Variants in DLG2 observed in about 807,000 individuals in gnomAD.
The protein encoded by DLG2 is discs large MAGUK scaffold protein 2, also known as disks large homolog 2.
In DLG2, 45 loss-of-function variants were observed where a neutral mutation model predicts 132.5. The ratio of observed to expected loss-of-function variants is 0.34; its 90% CI spans 0.27 to 0.44. The LOEUF (loss-of-function observed/expected upper bound fraction) is 0.44, where lower values mean the gene tolerates loss of function less well. Among genes scored for constraint, DLG2 ranks in the 20% least tolerant of loss-of-function variants. The pLI is 1.00. For synonymous variants in DLG2, 424 were observed against 419.6 expected, an observed-to-expected ratio of 1.01 and a Z score of -0.13; for missense variants, 1,045 against 1,196.9, an observed-to-expected ratio of 0.87 and a Z score of 1.87.
intron 7 of DLG2, among the ~76,000 whole-genome samples, chr11:84,506,229 C>T (rs867554681): frequency 4.0e-5 from 6 of 151,384 alleles, no homozygotes; most frequent in Non-Finnish European, 7.4e-5. Context: ...GCGCCCGCCA[C>T]TGCGCCCGGC....
chr11:85,584,252 C>A (rs1234901723), intron 3 of DLG2, among the ~76,000 whole-genome samples: 1 of 151,972 alleles, frequency 6.6e-6, no homozygotes, highest in South Asian at 2.1e-4. Context: ...TCCTGAGTTA[C>A]TTCACTTAGA....
At chr11:84,203,513 C>T (rs1253836950) in intron 8 of DLG2, among the ~76,000 whole-genome samples, 2 of 138,078 alleles carry the variant, frequency 1.4e-5, no homozygotes, top group African/African-American at 5.4e-5. Context: ...ACCCGGGAGG[C>T]GGAGCTTGCA....
chr11:84,536,067 G>A (rs2099354843), intron 6 of DLG2, among the ~76,000 whole-genome samples: 1 of 152,064 alleles, frequency 6.6e-6, no homozygotes, highest in South Asian at 2.1e-4. Flanking sequence ...TTCCTCAGAA[G>A]CAGATTATCA....
At chr11:84,145,990 T>G (rs1330310537) in intron 9 of DLG2, among the ~76,000 whole-genome samples, 2 of 152,190 alleles carry the variant, frequency 1.3e-5, no homozygotes, top group African/African-American at 4.8e-5. Context: ...GACATCTGAC[T>G]CAGATAGTTA....
At chr11:85,412,263 C>T (rs957081060) in intron 3 of DLG2, among the ~76,000 whole-genome samples, 1 of 151,776 alleles carries the variant, frequency 6.6e-6, no homozygotes, top group Non-Finnish European at 1.5e-5. Flanking sequence ...TTGTATAGTC[C>T]TCATTGCTCT....
intron 15 of DLG2, among the ~76,000 whole-genome samples, chr11:83,909,987 A>ATC (rs2075768698): frequency 6.6e-6 from 1 of 152,172 alleles, no homozygotes; most frequent in Non-Finnish European, 1.5e-5. Flanking sequence ...CTATCTGAAG[A>ATC]TGTGGGAGAT....
chr11:84,973,911 C>T (rs1034632665), intron 6 of DLG2, among the ~76,000 whole-genome samples: 2 of 152,096 alleles, frequency 1.3e-5, no homozygotes, highest in Admixed American at 1.3e-4. Flanking sequence ...TTTTTCCCAA[C>T]CATTTAAACC....
At chr11:84,897,544 A>G (rs924368797) in intron 6 of DLG2, among the ~76,000 whole-genome samples, 3 of 151,822 alleles carry the variant, frequency 2.0e-5, no homozygotes, top group African/African-American at 7.2e-5. Context: ...TCTGGCAACC[A>G]TGATCATTTT....
chr11:85,445,331 C>G (rs968329240), intron 3 of DLG2, among the ~76,000 whole-genome samples: 2 of 152,106 alleles, frequency 1.3e-5, no homozygotes, highest in Non-Finnish European at 2.9e-5. Flanking sequence ...AATCCAGAAG[C>G]CATACCTCTG....
At chr11:84,499,264 C>T (rs1322260138) in intron 7 of DLG2, among the ~76,000 whole-genome samples, 1 of 152,140 alleles carries the variant, frequency 6.6e-6, no homozygotes, top group Non-Finnish European at 1.5e-5. Flanking sequence ...AGGGCTGTTA[C>T]AAGGATTAGA....
chr11:85,499,276 C>A (rs1257813273), intron 3 of DLG2, among the ~76,000 whole-genome samples: 1 of 152,042 alleles, frequency 6.6e-6, no homozygotes, highest in East Asian at 1.9e-4. Flanking sequence ...CACCACTGAT[C>A]CCACAGAAAT....
At chr11:85,337,127 GTAA>G (rs2082188089) in intron 3 of DLG2, among the ~76,000 whole-genome samples, 1 of 152,200 alleles carries the variant, frequency 6.6e-6, no homozygotes, top group Non-Finnish European at 1.5e-5. Context: ...GGACACTTAA[GTAA>G]TAATATGTGA....
At chr11:83,639,943 A>C (rs1054035429) in intron 18 of DLG2, among the ~76,000 whole-genome samples, 1 of 152,178 alleles carries the variant, frequency 6.6e-6, no homozygotes, top group African/African-American at 2.4e-5. Flanking sequence ...ACTCAAAATG[A>C]GATTTGACTG....
In DLG2 at chr11:84,338,642, C is replaced by G. The variant is rs181071470; in HGVS notation, c.520-87351G>C. ...GATCAAGACCAACCTGGCTAACATG[C>G]TGAAATACAAAAAAATTAGTTGGTG... is the stretch of plus-strand genomic sequence containing the variant. On this transcript the variant is annotated intron_variant, in intron 7 of 27. Transcript: ENST00000376104. Among the ~76,000 whole-genome samples, 31 of 151,848 alleles carry G rather than the reference C, an allele frequency of 2.0e-4. No homozygotes were observed. In the East Asian group the frequency reaches 5.6e-3, roughly 28 times the overall value.
intron 7 of DLG2, among the ~76,000 whole-genome samples, chr11:84,475,830 C>A (rs1178569662): frequency 6.6e-6 from 1 of 152,102 alleles, no homozygotes; most frequent in African/African-American, 2.4e-5. Context: ...AACAGAAATG[C>A]AATTCACACT....
chr11:84,022,276 C>T (rs114818016), intron 11 of DLG2, among the ~76,000 whole-genome samples: 200 of 152,202 alleles, frequency 1.3e-3, no homozygotes, highest in African/African-American at 4.7e-3. Context: ...CAAACAAAAC[C>T]AGAATGGCCA....
At chr11:85,351,603 G>C (rs888120085) in intron 3 of DLG2, among the ~76,000 whole-genome samples, 1 of 151,996 alleles carries the variant, frequency 6.6e-6, no homozygotes, top group Non-Finnish European at 1.5e-5. Context: ...CTAGTTTATT[G>C]AGTTTTTAGC....
intron 3 of DLG2, among the ~76,000 whole-genome samples, chr11:85,387,019 C>T (rs1215485800): frequency 6.6e-6 from 1 of 151,188 alleles, no homozygotes. Flanking sequence ...TCCCTAGTAG[C>T]TTGGATTACA....
At chr11:84,830,007 C>T (rs763416496) in intron 6 of DLG2, among the ~76,000 whole-genome samples, 13 of 151,594 alleles carry the variant, frequency 8.6e-5, no homozygotes, top group Non-Finnish European at 1.5e-4. Context: ...AGTTGGGTAA[C>T]CGCTAACTGC....
Sources: allele counts gnomAD v4.1 joint callset (sites outside exome capture counted in the v4.1 genomes callset), GRCh38; gene constraint gnomAD v4.1.1; transcripts MANE v1.5; gene names NCBI Gene and HGNC (gene_info 2026-07-23, HGNC 2026-07-21).